The following ZFHX3 variants were observed in gnomAD, a reference collection of about 807,000 sequenced individuals.
The protein encoded by ZFHX3 is zinc finger homeobox 3, also known as zinc finger homeobox protein 3.
In ZFHX3, 42 loss-of-function variants were observed where a neutral mutation model predicts 279.1. The ratio of observed to expected loss-of-function variants is 0.15; its 90% CI spans 0.12 to 0.19. ZFHX3 has a LOEUF of 0.19. ZFHX3 is among the 10% of genes least tolerant of loss of function. ZFHX3 has a pLI of 1.00. For missense variants in ZFHX3, 4,981 were observed against 4,754.0 expected (o/e 1.05, Z -1.40); for synonymous variants, 2,293 against 1,957.8 (o/e 1.17, Z -4.52).
chr16:73,388,787 C>T (rs2016952128), intron 3 of ZFHX3: 1 of 152,408 alleles, frequency 6.6e-6, no homozygotes, highest in Non-Finnish European at 1.5e-5. Flanking sequence ...TCCTTCAGGA[C>T]ATGGTTACAT....
intron 1 of ZFHX3, among the ~76,000 whole-genome samples, chr16:72,996,595 A>G (rs1269798923): frequency 6.6e-6 from 1 of 152,214 alleles, no homozygotes; most frequent in African/African-American, 2.4e-5. Context: ...GATAAATTCC[A>G]TAACTGGTTG....
chr16:72,896,008 C>T (rs2038890951), intron 3 of ZFHX3, among the ~76,000 whole-genome samples: 1 of 152,184 alleles, frequency 6.6e-6, no homozygotes, highest in Non-Finnish European at 1.5e-5. Context: ...ATTGAATTTA[C>T]TTTCTGAAAT....
chr16:73,208,432 G>T (rs2011887132), intron 5 of ZFHX3, among the ~76,000 whole-genome samples: 1 of 152,074 alleles, frequency 6.6e-6, no homozygotes, highest in African/African-American at 2.4e-5. Context: ...TATACCAGAT[G>T]GTGACAGGAA....
rs532405250 is a variant in ZFHX3 at position 72,919,777 on chromosome 16, C to CTTTTTTTTTTTTTTTT, written c.3217-29831_3217-29816dup. 9.5e-5 allele frequency among the ~76,000 whole-genome samples: 4 copies of CTTTTTTTTTTTTTTTT among 42,264 alleles called. 1 individual carries two copies. Among genetic ancestry groups the CTTTTTTTTTTTTTTTT allele is most frequent in the African/African-American group, 4.2e-4 (4 of 9,488 alleles). 27.7% of individuals were successfully genotyped at this position (42,264 alleles called of 152,430 possible). On this transcript the variant is annotated intron_variant, in intron 3 of 9. Transcript: ENST00000268489. The stretch of plus-strand genomic sequence containing the variant: ...CAACTAAAACATGTATATGCACCAT[C>CTTTTTTTTTTTTTTTT]TTTTTTTTTTTTTTTTTTTTTTTTT...
At chr16:73,199,468 ATCT>A (rs1968223502) in intron 5 of ZFHX3, among the ~76,000 whole-genome samples, 2 of 152,178 alleles carry the variant, frequency 1.3e-5, no homozygotes, top group South Asian at 2.1e-4. Context: ...GCATCAGAAC[ATCT>A]TCTTTTACCT....
At chr16:73,706,868 T>C (rs936290538) in intron 1 of ZFHX3, among the ~76,000 whole-genome samples, 1 of 152,228 alleles carries the variant, frequency 6.6e-6, no homozygotes, top group Non-Finnish European at 1.5e-5. Flanking sequence ...GCATTGCTTA[T>C]TATGACTGCT....
intron 3 of ZFHX3, among the ~76,000 whole-genome samples, chr16:73,422,835 G>C (rs2017742709): frequency 6.6e-6 from 1 of 152,198 alleles, no homozygotes; most frequent in South Asian, 2.1e-4. Flanking sequence ...TCCTGGGTTA[G>C]TTTGCTTGGG....
intron 2 of ZFHX3, among the ~76,000 whole-genome samples, chr16:73,457,998 T>C (rs934060165): frequency 3.3e-5 from 5 of 152,146 alleles, no homozygotes; most frequent in Admixed American, 2.6e-4. Flanking sequence ...CAGCACTTTA[T>C]AGGTGCTGGC....
Position 73,205,821 on chromosome 16 carries a change from C to G in ZFHX3, c.-1104+51226G>C, listed in dbSNP as rs537548222. ...AACATCAGCCTTGTAATAAATTACT[C>G]TGAGTATCCCAAGAATGGAAAGCTG... is the stretch of plus-strand genomic sequence containing the variant. On this transcript the variant is annotated intron_variant, in intron 5 of 17. Coordinates refer to the ZFHX3 transcript ENST00000641206. Among the ~76,000 whole-genome samples, 51 of 152,278 alleles carry G rather than the reference C, an allele frequency of 3.3e-4. No individual in the cohort carries two copies. The South Asian group carries it at 9.7e-3, about 29-fold the overall frequency.
intron 5 of ZFHX3, among the ~76,000 whole-genome samples, chr16:73,146,755 A>T (rs1461593455): frequency 6.6e-6 from 1 of 152,062 alleles, no homozygotes; most frequent in Non-Finnish European, 1.5e-5. Context: ...TCCCAGGCTC[A>T]AGCAATCCTC....
chr16:72,890,184 CT>C (rs2038736040), intron 3 of ZFHX3, among the ~76,000 whole-genome samples: 1 of 152,148 alleles, frequency 6.6e-6, no homozygotes, highest in Non-Finnish European at 1.5e-5. Context: ...GGGATAGGAC[CT>C]TGTGGGAGGT....
At chr16:73,672,436 A>G (rs951027185) in intron 2 of ZFHX3, among the ~76,000 whole-genome samples, 2 of 152,172 alleles carry the variant, frequency 1.3e-5, no homozygotes, top group African/African-American at 4.8e-5. Context: ...AGCATTTCCT[A>G]TATTCTGATG....
At position 72,811,492 on chromosome 16, in the gene ZFHX3, C is replaced by A. The variant is rs990004722; in HGVS notation, c.3864+85G>T. ...TCCAACTCTACACTGACTTTCTCGT[C>A]CAATAATACAGTATCTTGCCCATGT... On this transcript the variant is annotated intron_variant, in intron 7 of 9. Transcript: ENST00000268489. 1.1e-5 allele frequency: 15 copies of A among 1,325,000 alleles called. No homozygotes were observed. In the African/African-American group the frequency reaches 1.3e-4, roughly 12 times the overall value. 82.1% of individuals were successfully genotyped at this position (1,325,000 alleles called of 1,614,324 possible).
chr16:73,642,441 T>C (rs1350261492), intron 2 of ZFHX3, among the ~76,000 whole-genome samples: 2 of 152,182 alleles, frequency 1.3e-5, no homozygotes, highest in Admixed American at 1.3e-4. Context: ...GGAAGGTATA[T>C]AATCATGGGA....
chr16:73,264,143 G>C (rs2013900795), intron 4 of ZFHX3, among the ~76,000 whole-genome samples: 1 of 152,148 alleles, frequency 6.6e-6, no homozygotes, highest in Non-Finnish European at 1.5e-5. Flanking sequence ...CTCCAGCCTG[G>C]GCAACAGAGC....
chr16:73,345,035 A>G (rs12923103), intron 3 of ZFHX3, among the ~76,000 whole-genome samples: 108,994 of 151,974 alleles, frequency 0.72, 39,666 homozygotes, highest in African/African-American at 0.81. Context: ...TGTCCTGTTC[A>G]TGGAACTTCT....
In ZFHX3 at chr16:72,787,279, G is replaced by A. The variant is rs553569696; in HGVS notation, c.10997C>T (p.Thr3666Met). 2.4e-5 allele frequency: 38 copies of A among 1,613,910 alleles called. No individual in the cohort carries two copies. Among genetic ancestry groups the A allele is most frequent in the Middle Eastern group, 1.6e-4 (1 of 6,084 alleles). The change falls in exon 10 of 10, where the codon ACG becomes ATG. Residue 3666 changes from threonine (T) to methionine (M), a missense_variant. Thr to Met is a moderately conservative substitution (Grantham distance 81). Transcript: ENST00000268489. ...TCCGTCGGACTTTTGGCTGAGATCC[G>A]TGTCAGACTCCTCCGAATAGTCGTC... is the stretch of plus-strand genomic sequence containing the variant. ...PTDDYSEESD[T>M]DLSQKSDGPA...
Position 72,958,003 on chromosome 16 carries a change from G to A in ZFHX3, c.2143C>T (p.Arg715Ter), listed in dbSNP as rs1961348268. Residue 715 changes from arginine to a stop codon, truncating the protein, a stop_gained, in exon 2 of 10, where the codon CGA becomes TGA. Transcript: ENST00000268489. LOFTEE classifies it high-confidence loss of function. ...KSGQPHPRLA[R>*]GESYTCGYKP... ...TAACCACACGTGTAGCTCTCGCCTC[G>A]TGCCAGCCGGGGGTGGGGCTGCCCG... 1 of 1,608,448 alleles carries A rather than the reference G, an allele frequency of 6.2e-7. No individual in the cohort carries two copies. Among genetic ancestry groups the A allele is most frequent in the Non-Finnish European group, 8.5e-7 (1 of 1,177,888 alleles).
chr16:73,422,939 G>T (rs990022794), intron 3 of ZFHX3, among the ~76,000 whole-genome samples: 1 of 152,192 alleles, frequency 6.6e-6, no homozygotes, highest in Admixed American at 6.5e-5. Context: ...TGAGATCAAG[G>T]TGTTGGCAGG....
Sources: allele counts gnomAD v4.1 joint callset (sites outside exome capture counted in the v4.1 genomes callset), GRCh38; gene constraint gnomAD v4.1.1; transcripts MANE v1.5; gene names NCBI Gene and HGNC (gene_info 2026-07-23, HGNC 2026-07-21).